Variants in ENOX1 observed in about 807,000 individuals in gnomAD.
ENOX1 encodes candidate growth-related and time keeping constitutive hydroquinone (NADH) oxidase.
A neutral mutation model predicts 82.5 loss-of-function variants in ENOX1; 42 were observed. That is an observed-to-expected ratio of 0.51 (90% CI 0.40 to 0.66). The LOEUF (loss-of-function observed/expected upper bound fraction) is 0.66, where lower values mean the gene tolerates loss of function less well. Among genes scored for constraint, ENOX1 ranks in the 30% least tolerant of loss-of-function variants. ENOX1 has a pLI of 0.00. For missense variants in ENOX1, 608 were observed against 811.6 expected (o/e 0.75, Z 3.05); for synonymous variants, 271 against 282.2 (o/e 0.96, Z 0.40).
chr13:43,728,837 A>G (rs1020069171), intron 1 of ENOX1, among the ~76,000 whole-genome samples: 7 of 152,208 alleles, frequency 4.6e-5, no homozygotes, highest in Non-Finnish European at 8.8e-5. Context: ...CATATCTACA[A>G]TTCAACCATG....
At chr13:43,685,415 G>C (rs1307975047) in intron 1 of ENOX1, among the ~76,000 whole-genome samples, 1 of 152,110 alleles carries the variant, frequency 6.6e-6, no homozygotes, top group African/African-American at 2.4e-5. Flanking sequence ...GGGAGCCCAG[G>C]TGAGTGAAAG....
rs1361484429 is a variant in ENOX1 at position 43,610,281 on chromosome 13, C to CTAAT, written c.-219+57194_-219+57197dup. ...GTAACTTTTTCAAACTGGGACTCAT[C>CTAAT]TAATTACATGCATGGGAGCACTTTT... On this transcript the variant is annotated intron_variant, in intron 2 of 16. Transcript: ENST00000690772. Among the ~76,000 whole-genome samples the CTAAT allele has an allele frequency of 2.6e-5, 4 of 152,262 alleles. No individual in the cohort carries two copies. The South Asian group carries it at 8.3e-4, about 32-fold the overall frequency.
chr13:43,338,352 G>A (rs910054087), intron 9 of ENOX1, among the ~76,000 whole-genome samples: 5 of 152,164 alleles, frequency 3.3e-5, no homozygotes, highest in African/African-American at 9.7e-5. Context: ...AAACTCCAAC[G>A]TCTCCGAGTT....
intron 3 of ENOX1, among the ~76,000 whole-genome samples, chr13:43,413,607 GT>G (rs2054267050): frequency 6.6e-6 from 1 of 151,188 alleles, no homozygotes; most frequent in South Asian, 2.1e-4. Context: ...AGAGCATTTG[GT>G]TTTTTCAGCT....
chr13:43,566,359 TTGATATTGCAGGTATAGTA>T, intron 2 of ENOX1, among the ~76,000 whole-genome samples: 1 of 152,106 alleles, frequency 6.6e-6, no homozygotes, highest in Non-Finnish European at 1.5e-5. Context: ...TATAGGTATT[TTGATATTGCAGGTATAGTA>T]ATTTTAATGC....
intron 12 of ENOX1, among the ~76,000 whole-genome samples, chr13:43,292,039 A>C (rs1049560431): frequency 6.6e-6 from 1 of 152,136 alleles, no homozygotes; most frequent in African/African-American, 2.4e-5. Flanking sequence ...TCCACACCTA[A>C]ATATACACAG....
At chr13:43,522,915 A>G (rs987065061) in intron 2 of ENOX1, among the ~76,000 whole-genome samples, 4 of 152,176 alleles carry the variant, frequency 2.6e-5, no homozygotes, top group African/African-American at 9.6e-5. Context: ...ACAGGAAAAA[A>G]TCCTCAATGT....
intron 2 of ENOX1, among the ~76,000 whole-genome samples, chr13:43,598,026 G>A (rs1053373256): frequency 5.3e-5 from 8 of 152,056 alleles, no homozygotes. Context: ...ACTCTCTGCA[G>A]TACAAATCAC....
intron 2 of ENOX1, among the ~76,000 whole-genome samples, chr13:43,504,564 C>T (rs1282387824): frequency 6.6e-6 from 1 of 151,518 alleles, no homozygotes; most frequent in African/African-American, 2.4e-5. Context: ...CTAGGCCAGG[C>T]ACAGAAGGAA....
intron 5 of ENOX1, among the ~76,000 whole-genome samples, chr13:43,409,762 A>G (rs147105485): frequency 9.8e-5 from 15 of 152,348 alleles, no homozygotes; most frequent in East Asian, 1.9e-4. Flanking sequence ...TTAAAAATGC[A>G]TAATAGAAAA....
chr13:43,339,007 C>T (rs1443349311), intron 9 of ENOX1, among the ~76,000 whole-genome samples: 1 of 152,064 alleles, frequency 6.6e-6, no homozygotes, highest in African/African-American at 2.4e-5. Flanking sequence ...TAATTACAGC[C>T]CCCTGACACT....
intron 2 of ENOX1, among the ~76,000 whole-genome samples, chr13:43,505,848 T>A (rs372949819): frequency 6.6e-6 from 1 of 152,044 alleles, no homozygotes; most frequent in Non-Finnish European, 1.5e-5. Flanking sequence ...CTGAATGGTA[T>A]TGCCTAGGTT....
At position 43,546,128 on chromosome 13, in the gene ENOX1, A is replaced by G. The variant is rs554526379; in HGVS notation, c.-218-61976T>C. ...TGCTGAATAAGGTCCCTGCCCTCAT[A>G]GACAGGTGTTCTAGTAGGAAGAGAC... is the stretch of plus-strand genomic sequence containing the variant. On this transcript the variant is annotated intron_variant, in intron 2 of 16. Transcript: ENST00000690772. 7.9e-5 allele frequency: 12 copies of G among 152,418 alleles called. 2 individuals carry two copies. The South Asian group carries it at 2.5e-3, about 32-fold the overall frequency. 9.4% of individuals were successfully genotyped at this position (152,418 alleles called of 1,614,324 possible).
chr13:43,494,807 T>C (rs1008377550), intron 2 of ENOX1, among the ~76,000 whole-genome samples: 3 of 152,166 alleles, frequency 2.0e-5, no homozygotes, highest in African/African-American at 4.8e-5. Context: ...AAAAGGCTAT[T>C]GCTATTTGAA....
chr13:43,767,012 T>TCAATAGAAC (rs1951317421), intron 1 of ENOX1, among the ~76,000 whole-genome samples: 1 of 152,200 alleles, frequency 6.6e-6, no homozygotes, highest in East Asian at 1.9e-4. Flanking sequence ...CTGCATCCTT[T>TCAATAGAAC]CAATAGAACT....
chr13:43,224,073 T>G lies in ENOX1; in HGVS notation c.1780A>C (p.Met594Leu). ...GANIEYLWSY[M>L]QQLDSKISAN... is the part of the protein sequence containing the mutation. ...TTTACCTTGGAGTCCAGCTGCTGCA[T>G]GTATGACCAAAGATATTCTATGTTG... Residue 594 changes from methionine to leucine, a missense_variant, in exon 16 of 17, where the codon ATG (methionine) becomes CTG (leucine). Met to Leu is a conservative substitution (Grantham distance 15). Coordinates refer to ENST00000690772, the MANE Select transcript of ENOX1 (RefSeq NM_001347969.2). 2 of 1,613,940 alleles carry G rather than the reference T, an allele frequency of 1.2e-6. No homozygotes were observed. Among genetic ancestry groups the G allele is most frequent in the Middle Eastern group, 1.7e-4 (1 of 6,060 alleles).
chr13:43,517,789 G>A (rs1242211958), intron 2 of ENOX1, among the ~76,000 whole-genome samples: 2 of 152,082 alleles, frequency 1.3e-5, no homozygotes, highest in Non-Finnish European at 2.9e-5. Flanking sequence ...TACATCACTA[G>A]AATGGGATTA....
intron 5 of ENOX1, among the ~76,000 whole-genome samples, chr13:43,406,054 A>G (rs1433637943): frequency 6.6e-6 from 1 of 152,234 alleles, no homozygotes; most frequent in Admixed American, 6.5e-5. Context: ...CTCAGTTAAA[A>G]GAGTGATGCT....
chr13:43,698,800 C>A (rs2086770457), intron 1 of ENOX1, among the ~76,000 whole-genome samples: 1 of 152,106 alleles, frequency 6.6e-6, no homozygotes, highest in Admixed American at 6.6e-5. Context: ...TAAATGTCTC[C>A]CAACGATCTT....
Sources: allele counts gnomAD v4.1 joint callset (sites outside exome capture counted in the v4.1 genomes callset), GRCh38; gene constraint gnomAD v4.1.1; transcripts MANE v1.5; gene names NCBI Gene and HGNC (gene_info 2026-07-23, HGNC 2026-07-21).